SSC5D: variants seen among roughly 807,000 people sequenced by gnomAD.
The protein encoded by SSC5D is soluble scavenger receptor cysteine-rich domain-containing protein SSC5D.
A neutral mutation model predicts 104.6 loss-of-function variants in SSC5D; 106 were observed. That is an observed-to-expected ratio of 1.01 (90% CI 0.87 to 1.19). The LOEUF (loss-of-function observed/expected upper bound fraction) is 1.19, where lower values mean the gene tolerates loss of function less well. Among genes scored for constraint, SSC5D ranks in the 50% most tolerant of loss-of-function variants. The pLI is 0.00. For missense variants in SSC5D, 1,993 were observed against 2,153.8 expected (o/e 0.93, Z 1.48); for synonymous variants, 860 against 883.5 (o/e 0.97, Z 0.47).
In SSC5D at chr19:55,510,084, G is replaced by A. The variant is rs191970662; in HGVS notation, c.2786-2927G>A. Among the ~76,000 whole-genome samples, 743 of 151,740 alleles carry A rather than the reference G, an allele frequency of 4.9e-3. 6 individuals are homozygous for A. Among genetic ancestry groups the A allele is most frequent in the Middle Eastern group, 0.017 (5 of 294 alleles). On this transcript the variant is annotated intron_variant, in intron 12 of 13. Transcript: ENST00000389623. ...ATGATCACAGCTCACTGCAACCTCC[G>A]CCTCCAAGGCTCAAGTGATTCTCAT...
At chr19:55,498,863 G>A (rs1435363154) in intron 9 of SSC5D, among the ~76,000 whole-genome samples, 1 of 152,210 alleles carries the variant, frequency 6.6e-6, no homozygotes, top group Non-Finnish European at 1.5e-5. Context: ...CAGCGTTATC[G>A]TTTATCACAG....
Position 55,493,695 on chromosome 19 carries a change from C to T in SSC5D, c.996C>T (p.Ala332=), listed in dbSNP as rs533123992. 6.6e-7 allele frequency: 1 copy of T among 1,513,224 alleles called. No homozygotes were observed. Among genetic ancestry groups the T allele is most frequent in the East Asian group, 2.5e-5 (1 of 39,462 alleles). The allele number at this position is 1,513,224 out of a possible 1,614,324, so 93.7% of individuals were successfully genotyped here. A position where few individuals can be genotyped will look rare whatever the true frequency, so the allele number is the denominator to read the frequency against. Residue 332 remains alanine, a synonymous_variant, in exon 7 of 14, where the codon GCC becomes GCT. Coordinates refer to ENST00000389623, the MANE Select transcript of SSC5D (RefSeq NM_001144950.2). ...GGRWGSVCDD[A]WDLRDAAVAC... is the part of the protein sequence containing the mutation. ...GCTGGGGGTCGGTGTGTGACGACGC[C>T]TGGGACCTGCGAGACGCCGCTGTGG...
chr19:55,517,639 T>A lies in SSC5D; in HGVS notation c.3363T>A (p.Ser1121=). 6.4e-7 allele frequency: 1 copy of A among 1,551,678 alleles called. No individual in the cohort carries two copies. Among genetic ancestry groups the A allele is most frequent in the Non-Finnish European group, 8.7e-7 (1 of 1,147,016 alleles). The change falls in exon 14 of 14, where the codon TCT becomes TCA. Residue 1121 remains serine, a synonymous_variant. Transcript: ENST00000389623. The part of the protein sequence containing the change: ...LSPTSEQVPE[S]DTTPDLDTTP... Reference sequence around the variant, plus strand: ...CTACCTCAGAGCAGGTCCCAGAATCTGACACAACCCCAGATTTGGACACAA... The same window carrying A: ...CTACCTCAGAGCAGGTCCCAGAATCAGACACAACCCCAGATTTGGACACAA...
chr19:55,517,205 G>A lies in SSC5D; in HGVS notation c.2948-19G>A. The A allele has an allele frequency of 6.5e-7, 1 of 1,530,718 alleles. No homozygotes were observed. Among genetic ancestry groups the A allele is most frequent in the Non-Finnish European group, 8.7e-7 (1 of 1,144,042 alleles). The allele number at this position is 1,530,718 out of a possible 1,614,324, so 94.8% of individuals were successfully genotyped here. Reference sequence around the variant, plus strand: ...CCGGTTGACCTCAGACCGTCCGTCTGTCTTTCCTCCTCCTCCAGGTTCCCC... The same window carrying A: ...CCGGTTGACCTCAGACCGTCCGTCTATCTTTCCTCCTCCTCCAGGTTCCCC... On this transcript the variant is annotated intron_variant, in intron 13 of 13. Coordinates refer to ENST00000389623, the MANE Select transcript of SSC5D (RefSeq NM_001144950.2).
chr19:55,489,269 G>A, intron 2 of SSC5D, 85 bp from the exon 3 acceptor site: 2 of 1,373,096 alleles, frequency 1.5e-6, no homozygotes, highest in Non-Finnish European at 1.9e-6. Context: ...GTACCTGCAG[G>A]ACAGCCACCT....
intron 9 of SSC5D, among the ~76,000 whole-genome samples, chr19:55,499,373 A>G (rs1987409540): frequency 6.6e-6 from 1 of 152,164 alleles, no homozygotes; most frequent in Non-Finnish European, 1.5e-5. Context: ...CGTCTTCCTG[A>G]GGGCCACGGG....
chr19:55,506,872 T>C (rs1987647914), intron 12 of SSC5D, among the ~76,000 whole-genome samples: 1 of 151,728 alleles, frequency 6.6e-6, no homozygotes, highest in African/African-American at 2.4e-5. Flanking sequence ...AGGGTTGCAG[T>C]TTAAAATAGG....
At position 55,488,511 on chromosome 19, in the gene SSC5D, C is replaced by T. The variant is rs1224647494; in HGVS notation, c.-79C>T. ...CTCCAGCAGGCACTTCCCTCCCTCC[C>T]TCTCTCCCCAGCTGCCTCCTCCTCT... On this transcript the variant is annotated 5_prime_UTR_variant, in exon 1 of 14. Coordinates refer to ENST00000389623, the MANE Select transcript of SSC5D (RefSeq NM_001144950.2). 10 of 1,357,234 alleles carry T rather than the reference C, an allele frequency of 7.4e-6. No individual in the cohort carries two copies. The highest frequency in any genetic ancestry group is 5.9e-5 in the Admixed American group (3 of 50,472). The allele number at this position is 1,357,234 out of a possible 1,614,324, so 84.1% of individuals were successfully genotyped here.
Position 55,488,569 on chromosome 19 carries a change from T to G in SSC5D, c.-21T>G, listed in dbSNP as rs773748331. The G allele has an allele frequency of 9.0e-5, 131 of 1,459,904 alleles. 3 individuals carry two copies. The highest frequency in any genetic ancestry group is 8.9e-4 in the East Asian group (30 of 33,898). 90.4% of individuals were successfully genotyped at this position (1,459,904 alleles called of 1,614,324 possible). On this transcript the variant is annotated 5_prime_UTR_variant, in exon 1 of 14. Transcript: ENST00000389623. ...CCGCTCTCCTTCCCCTTTCACCCCA[T>G]CCCCTGCCCTGGCTGCAACCATGAG...
chr19:55,497,053 G>C (rs1987344049), intron 8 of SSC5D, among the ~76,000 whole-genome samples: 2 of 152,212 alleles, frequency 1.3e-5, no homozygotes, highest in Admixed American at 1.3e-4. Flanking sequence ...GAGCCACCGT[G>C]CCGGGCCTGC....
At chr19:55,488,659 C>T in intron 1 of SSC5D, 45 bp downstream of exon 1, 1 of 1,515,766 alleles carries the variant, frequency 6.6e-7, no homozygotes, top group East Asian at 2.5e-5. Context: ...CCTAGGCCCC[C>T]ACCTCTGACC....
intron 12 of SSC5D, among the ~76,000 whole-genome samples, chr19:55,512,313 C>A (rs1236292602): frequency 7.6e-6 from 1 of 131,314 alleles, no homozygotes; most frequent in Admixed American, 8.5e-5. Context: ...ATATATTATA[C>A]ATTTATATGT....
At chr19:55,513,272 C>G (rs1987799207) in intron 13 of SSC5D, 100 bp downstream of exon 13, 1 of 1,245,506 alleles carries the variant, frequency 8.0e-7, no homozygotes, top group African/African-American at 1.5e-5. Flanking sequence ...CCCAGAAAGA[C>G]TCAGCAGAAA....
intron 7 of SSC5D, 42 bp downstream of exon 7, chr19:55,493,954 GTGCTTGGAGCGGAGGGGCAAGTTCGGC>G: frequency 2.6e-6 from 3 of 1,150,248 alleles, no homozygotes; most frequent in South Asian, 1.4e-5. Context: ...GGGCGTGGTG[GTGCTTGGAGCGGAGGGGCAAGTTCGGC>G]GGGGGCGGGG....
rs996550937 is a variant in SSC5D, at chr19:55,503,635, C to T, written c.2785+2434C>T. Reference sequence around the variant, plus strand: ...AAGGGGCAGCGTTTCTGTCCTCCCTCTGTGCCCGTCGCAGTCGCTGTTTCT... The same window carrying T: ...AAGGGGCAGCGTTTCTGTCCTCCCTTTGTGCCCGTCGCAGTCGCTGTTTCT... On this transcript the variant is annotated intron_variant, in intron 12 of 13. Transcript: ENST00000389623. This position sits in a 1 kb window ranked among gnomAD's most constrained non-coding sequence, Gnocchi z 4.0. Among the ~76,000 whole-genome samples the T allele has an allele frequency of 4.6e-5, 7 of 152,188 alleles. No individual in the cohort carries two copies. Among genetic ancestry groups the T allele is most frequent in the African/African-American group, 1.4e-4 (6 of 41,456 alleles).
At position 55,494,958 on chromosome 19, in the gene SSC5D, C is replaced by G. The variant is rs558299505; in HGVS notation, c.1387+175C>G. ...AATGCTCTGCTGTTGCGTCTGGGAG[C>G]GTGTGATAATTCTTGAACAAGGGGT... On this transcript the variant is annotated intron_variant, in intron 8 of 13. Coordinates refer to ENST00000389623, the MANE Select transcript of SSC5D (RefSeq NM_001144950.2). 2.6e-5 allele frequency among the ~76,000 whole-genome samples: 4 copies of G among 152,064 alleles called. No individual in the cohort carries two copies. In the East Asian group the frequency reaches 7.8e-4, roughly 29 times the overall value.
At chr19:55,501,883 C>T (rs528001512) in intron 12 of SSC5D, among the ~76,000 whole-genome samples, 40 of 152,326 alleles carry the variant, frequency 2.6e-4, no homozygotes, top group Non-Finnish European at 5.3e-4. Context: ...TTCTCACTTG[C>T]TGTTGGTCTC....
intron 13 of SSC5D, among the ~76,000 whole-genome samples, chr19:55,515,753 T>A (rs7409077): frequency 6.7e-6 from 1 of 149,918 alleles, no homozygotes; most frequent in African/African-American, 2.5e-5. Context: ...TAAAATAAAA[T>A]AAAAGAAAAT....
chr19:55,488,986 C>A lies in SSC5D; in HGVS notation c.26-20C>A. ...CCGGCCTGCCCCTCACACTGCCCCA[C>A]CCTCCGCCCTCCCTTCCAGCGGCCC... On this transcript the variant is annotated intron_variant, in intron 1 of 13. Coordinates refer to ENST00000389623, the MANE Select transcript of SSC5D (RefSeq NM_001144950.2). The A allele has an allele frequency of 2.0e-6, 3 of 1,529,064 alleles. No individual in the cohort carries two copies. The highest frequency in any genetic ancestry group is 1.2e-5 in the South Asian group (1 of 82,006). The allele number at this position is 1,529,064 out of a possible 1,614,324, so 94.7% of individuals were successfully genotyped here.
Sources: gnomAD v4.1 joint callset for allele counts (sites outside exome capture counted in the v4.1 genomes callset) on GRCh38, gnomAD v4.1.1 for gene constraint, Gnocchi (gnomAD v3.1) non-coding constraint, MANE v1.5 for transcripts, NCBI Gene and HGNC (gene_info 2026-07-23, HGNC 2026-07-21) for gene names.